GAPT: variants seen among roughly 807,000 people sequenced by gnomAD.
GAPT encodes protein GAPT.
For missense variants in GAPT, 206 were observed against 189.2 expected, an observed-to-expected ratio of 1.09 and a Z score of -0.52; for synonymous variants, 82 against 69.7, an observed-to-expected ratio of 1.18 and a Z score of -0.88.
chr5:58,494,993 C>T lies in GAPT; in HGVS notation c.457C>T (p.Leu153Phe). 6.3e-7 allele frequency: 1 copy of T among 1,596,452 alleles called. No individual in the cohort carries two copies. The highest frequency in any genetic ancestry group is 8.6e-7 in the Non-Finnish European group (1 of 1,168,364). ...EVPQDEDIYI[L>F]PDSY ...TCCTCAAGATGAAGATATATACATT[C>T]TTCCAGATTCATATTAGCTTTTCAA... The change falls in exon 3 of 3, where the codon CTT (leucine) becomes TTT (phenylalanine). Residue 153 changes from leucine (L) to phenylalanine (F), a missense_variant. Physicochemically the swap from Leu to Phe is conservative, Grantham distance 22. Transcript: ENST00000502276.
Position 58,494,868 on chromosome 5 carries a change from T to C in GAPT, c.332T>C (p.Leu111Pro). Residue 111 changes from leucine to proline, a missense_variant, in exon 3 of 3, where the codon CTA becomes CCA. By Grantham distance (98) the Leu-to-Pro change is moderately conservative. Coordinates refer to ENST00000502276, the MANE Select transcript of GAPT (RefSeq NM_001304431.2). ...GCTAAAGGAAAAACCGATAAGGAAC[T>C]ATATGAAAACACAGGGCAGTCTAAT... ...PKAKGKTDKE[L>P]YENTGQSNFE... The C allele has an allele frequency of 3.1e-6, 5 of 1,613,978 alleles. No homozygotes were observed. The highest frequency in any genetic ancestry group is 4.2e-6 in the Non-Finnish European group (5 of 1,179,926).
In GAPT at chr5:58,494,788, C is replaced by T; in HGVS notation, c.252C>T (p.Val84=). ...SVETQDHKSA[V]RGNNTHDNYE... is the part of the protein sequence containing the mutation. ...AAACCCAAGACCACAAATCTGCTGT[C>T]AGGGGAAATAACACACACGACAACT... Residue 84 remains valine (V), a synonymous_variant, in exon 3 of 3, where the codon GTC becomes GTT. Transcript: ENST00000502276. The T allele has an allele frequency of 6.2e-7, 1 of 1,613,916 alleles. No homozygotes were observed. The highest frequency in any genetic ancestry group is 1.3e-5 in the African/African-American group (1 of 75,034).
In GAPT at chr5:58,496,295, A is replaced by T. The variant is rs1290282474; in HGVS notation, c.*1285A>T. 6.1e-6 allele frequency: 1 copy of T among 164,838 alleles called. No homozygotes were observed. Among genetic ancestry groups the T allele is most frequent in the East Asian group, 1.9e-4 (1 of 5,192 alleles). 10.2% of individuals were successfully genotyped at this position (164,838 alleles called of 1,614,324 possible). A position where few individuals can be genotyped will look rare whatever the true frequency, so the allele number is the denominator to read the frequency against. On this transcript the variant is annotated 3_prime_UTR_variant, in exon 3 of 3. Coordinates refer to ENST00000502276, the MANE Select transcript of GAPT (RefSeq NM_001304431.2). Reference sequence around the variant, plus strand: ...CTCATGTTTTACTGACGGGAATTGAATTGTACATTTTGCTGAGTAGTTTTG... The same window carrying T: ...CTCATGTTTTACTGACGGGAATTGATTTGTACATTTTGCTGAGTAGTTTTG...
intron 1 of GAPT, among the ~76,000 whole-genome samples, chr5:58,493,441 C>G (rs1047011426): frequency 1.3e-5 from 2 of 152,114 alleles, no homozygotes; most frequent in African/African-American, 4.8e-5. Context: ...ACCTGTGATA[C>G]TAAGGATTTT....
Position 58,494,940 on chromosome 5 carries a change from A to C in GAPT, c.404A>C (p.Asn135Thr), listed in dbSNP as rs1744400159. The C allele has an allele frequency of 6.2e-7, 1 of 1,613,812 alleles. No homozygotes were observed. Among genetic ancestry groups the C allele is most frequent in the Non-Finnish European group, 8.5e-7 (1 of 1,179,880 alleles). The change falls in exon 3 of 3, where the codon AAC becomes ACC. Residue 135 changes from asparagine (N) to threonine (T), a missense_variant. Transcript: ENST00000502276. ...AATGAGACATCTTCTGACTATTATA[A>C]CTTCCAGAAGCCTCGTCCTTCTGAA... ...YGNETSSDYY[N>T]FQKPRPSEVP...
rs1349170482 is a variant in GAPT at position 58,495,252 on chromosome 5, GAGA to G, written c.*245_*247del. The stretch of plus-strand genomic sequence containing the variant: ...GAGCTAAATAATAAGAACACATGGA[GAGA>G]AGGAGAGGAACAACAGACACTGGGG... On this transcript the variant is annotated 3_prime_UTR_variant, in exon 3 of 3. Coordinates refer to ENST00000502276, the MANE Select transcript of GAPT (RefSeq NM_001304431.2). The G allele has an allele frequency of 7.9e-5, 33 of 417,214 alleles. No individual in the cohort carries two copies. Among genetic ancestry groups the G allele is most frequent in the African/African-American group, 6.2e-4 (31 of 49,618 alleles). 25.8% of individuals were successfully genotyped at this position (417,214 alleles called of 1,614,324 possible).
intron 1 of GAPT, among the ~76,000 whole-genome samples, chr5:58,493,121 C>A (rs1398285580): frequency 6.6e-6 from 1 of 152,120 alleles, no homozygotes; most frequent in Non-Finnish European, 1.5e-5. Flanking sequence ...GTACCCACTA[C>A]ATATAGCAGC....
Position 58,494,754 on chromosome 5 carries a change from T to G in GAPT, c.218T>G (p.Ile73Ser). ...GPRIIGLRHE[I>S]SVETQDHKSA... is the part of the protein sequence containing the mutation. ...CGCATCATTGGCTTAAGGCATGAAATCTCAGTTGAAACCCAAGACCACAAA... is the reference window on the plus strand; with the variant it reads ...CGCATCATTGGCTTAAGGCATGAAAGCTCAGTTGAAACCCAAGACCACAAA... The change falls in exon 3 of 3, where the codon ATC (isoleucine) becomes AGC (serine). Residue 73 changes from isoleucine (I) to serine (S), a missense_variant. Coordinates refer to ENST00000502276, the MANE Select transcript of GAPT (RefSeq NM_001304431.2). 1 of 1,613,828 alleles carries G rather than the reference T, an allele frequency of 6.2e-7. No individual in the cohort carries two copies. The highest frequency in any genetic ancestry group is 8.5e-7 in the Non-Finnish European group (1 of 1,179,896).
At chr5:58,493,875 T>G (rs1009488811) in intron 2 of GAPT, 37 bp downstream of exon 2, 1 of 152,144 alleles carries the variant, frequency 6.6e-6, no homozygotes, top group Non-Finnish European at 1.5e-5. Context: ...TATATGTCCC[T>G]TTTTTTCTAT....
rs1011505094 is a variant in GAPT at position 58,495,186 on chromosome 5, G to A, written c.*176G>A. ...TAAAAAAAGAACAAAACTAACATGG[G>A]AACAGAAAATCAAATACCACATATT... On this transcript the variant is annotated 3_prime_UTR_variant, in exon 3 of 3. Coordinates refer to ENST00000502276, the MANE Select transcript of GAPT (RefSeq NM_001304431.2). 2.3e-5 allele frequency: 13 copies of A among 557,004 alleles called. No homozygotes were observed. Among genetic ancestry groups the A allele is most frequent in the Admixed American group, 1.3e-4 (4 of 29,864 alleles). The allele number at this position is 557,004 out of a possible 1,614,324, so 34.5% of individuals were successfully genotyped here.
rs1005180916 is a variant in GAPT, at chr5:58,496,036, G to A, written c.*1026G>A. ...TTTGCTTTTCTGCCTCTTCTCTCAAGCCTGCTTCAGATCATAAGTTCTTCC... is the reference window on the plus strand; with the variant it reads ...TTTGCTTTTCTGCCTCTTCTCTCAAACCTGCTTCAGATCATAAGTTCTTCC... On this transcript the variant is annotated 3_prime_UTR_variant, in exon 3 of 3. Coordinates refer to ENST00000502276, the MANE Select transcript of GAPT (RefSeq NM_001304431.2). 2.4e-5 allele frequency: 4 copies of A among 166,934 alleles called. No homozygotes were observed. Among genetic ancestry groups the A allele is most frequent in the African/African-American group, 4.8e-5 (2 of 41,394 alleles). 10.3% of individuals were successfully genotyped at this position (166,934 alleles called of 1,614,324 possible).
chr5:58,492,547 A>C (rs1443981849), intron 1 of GAPT, among the ~76,000 whole-genome samples: 5 of 152,146 alleles, frequency 3.3e-5, no homozygotes, highest in African/African-American at 9.7e-5. Flanking sequence ...TATTACTCCC[A>C]AAAATTCCAA....
chr5:58,492,449 C>T (rs547649438), intron 1 of GAPT, among the ~76,000 whole-genome samples: 2 of 152,176 alleles, frequency 1.3e-5, no homozygotes, highest in Admixed American at 1.3e-4. Context: ...AACTTTTGTC[C>T]TTGAACACAA....
Position 58,496,501 on chromosome 5 carries a change from A to T in GAPT, c.*1491A>T, listed in dbSNP as rs759117882. The stretch of plus-strand genomic sequence containing the variant: ...AGTCTAGTAGGAAAGAAAACATAGT[A>T]AACAAATGAATACGATGCTGCTCAT... On this transcript the variant is annotated 3_prime_UTR_variant, in exon 3 of 3. Transcript: ENST00000502276. 1 of 167,082 alleles carries T rather than the reference A, an allele frequency of 6.0e-6. No homozygotes were observed. Among genetic ancestry groups the T allele is most frequent in the Non-Finnish European group, 1.5e-5 (1 of 68,126 alleles). 10.3% of individuals were successfully genotyped at this position (167,082 alleles called of 1,614,324 possible). A position where few individuals can be genotyped will look rare whatever the true frequency, so the allele number is the denominator to read the frequency against.
chr5:58,494,619 GGT>G lies in GAPT; in HGVS notation c.88_89del (p.Val30LeufsTer29). The stretch of plus-strand genomic sequence containing the variant: ...TTACTCTTAGTGGTTTGTGGAATTG[GGT>G]GTGTTTGGCACTGGAAACACCGTGT... On this transcript the variant is annotated frameshift_variant, in exon 3 of 3. Coordinates refer to ENST00000502276, the MANE Select transcript of GAPT (RefSeq NM_001304431.2). LOFTEE classifies it low-confidence loss of function (END_TRUNC). 2 of 1,614,000 alleles carry G rather than the reference GGT, an allele frequency of 1.2e-6. No homozygotes were observed. The highest frequency in any genetic ancestry group is 1.7e-6 in the Non-Finnish European group (2 of 1,179,954).
chr5:58,493,059 TACTTA>T (rs1744303251), intron 1 of GAPT, among the ~76,000 whole-genome samples: 3 of 152,160 alleles, frequency 2.0e-5, no homozygotes, highest in South Asian at 2.1e-4. Context: ...GTAAGGAAGT[TACTTA>T]ACTTCTTTAA....
Position 58,494,957 on chromosome 5 carries a change from C to A in GAPT, c.421C>A (p.Pro141Thr). 6.2e-7 allele frequency: 1 copy of A among 1,613,458 alleles called. No individual in the cohort carries two copies. Among genetic ancestry groups the A allele is most frequent in the Non-Finnish European group, 8.5e-7 (1 of 1,179,580 alleles). The change falls in exon 3 of 3, where the codon CCT (proline) becomes ACT (threonine). Residue 141 changes from proline (P) to threonine (T), a missense_variant. Pro to Thr is a conservative substitution (Grantham distance 38). Coordinates refer to ENST00000502276, the MANE Select transcript of GAPT (RefSeq NM_001304431.2). ...CTATTATAACTTCCAGAAGCCTCGT[C>A]CTTCTGAAGTTCCTCAAGATGAAGA... ...SDYYNFQKPR[P>T]SEVPQDEDIY...
intron 1 of GAPT, among the ~76,000 whole-genome samples, chr5:58,492,356 T>C (rs1744280589): frequency 1.3e-5 from 2 of 152,182 alleles, no homozygotes; most frequent in South Asian, 4.1e-4. Flanking sequence ...TAACCATGTA[T>C]ACCATAAAAT....
Position 58,494,407 on chromosome 5 carries a change from C to T in GAPT, c.-130C>T. On this transcript the variant is annotated 5_prime_UTR_variant, in exon 3 of 3. An upstream open reading frame in the 5' UTR gains an earlier in-frame stop. Coordinates refer to ENST00000502276, the MANE Select transcript of GAPT (RefSeq NM_001304431.2). ...AGGACTTTACCAGATAATGTTCTTC[C>T]AGATCTGAAAAGGAAAATGCCTAAA... 2.9e-6 allele frequency: 2 copies of T among 700,764 alleles called. No homozygotes were observed. The highest frequency in any genetic ancestry group is 4.7e-6 in the Non-Finnish European group (2 of 423,292). 43.4% of individuals were successfully genotyped at this position (700,764 alleles called of 1,614,324 possible). A position where few individuals can be genotyped will look rare whatever the true frequency, so the allele number is the denominator to read the frequency against.
Sources: gnomAD v4.1 joint callset for allele counts (sites outside exome capture counted in the v4.1 genomes callset) on GRCh38, gnomAD v4.1.1 for gene constraint, MANE v1.5 for transcripts, NCBI Gene and HGNC (gene_info 2026-07-23, HGNC 2026-07-21) for gene names.